Variants in ELAVL4 observed in about 807,000 individuals in gnomAD.
ELAVL4 encodes the protein ELAV-like protein 4.
In ELAVL4, 1 loss-of-function variant was observed where a neutral mutation model predicts 35.6. That is an observed-to-expected ratio of 0.03 (90% confidence interval 0.01 to 0.13). ELAVL4 has a LOEUF of 0.13. Among genes scored for constraint, ELAVL4 ranks in the 10% least tolerant of loss-of-function variants. The pLI, the probability that ELAVL4 is intolerant of heterozygous loss-of-function variation, is 1.00. For synonymous variants in ELAVL4, 156 were observed against 171.0 expected (o/e 0.91, Z 0.69); for missense variants, 267 against 464.9 (o/e 0.57, Z 3.91).
intron 3 of ELAVL4, among the ~76,000 whole-genome samples, chr1:50,190,017 C>T (rs929970575): frequency 6.6e-6 from 1 of 152,198 alleles, no homozygotes; most frequent in African/African-American, 2.4e-5. Context: ...CCATAGAGAT[C>T]ATCTGTAAAG....
At chr1:50,115,155 C>A (rs571917508) in intron 1 of ELAVL4, 42 of 152,056 alleles carry the variant, frequency 2.8e-4, no homozygotes, top group African/African-American at 9.4e-4. Context: ...TTAAGACCAA[C>A]CAATTTTGCT....
chr1:50,165,521 GTATATACATATACCTATATGTA>G (rs1242446410), intron 2 of ELAVL4, among the ~76,000 whole-genome samples: 1 of 148,268 alleles, frequency 6.7e-6, no homozygotes, highest in Non-Finnish European at 1.5e-5. Context: ...GCATATATAC[GTATATACATATACCTATATGTA>G]TATATAGTAT....
chr1:50,201,266 A>G lies in ELAVL4; in HGVS notation c.*88A>G. ...ACACACACACATACACGAAAGAGAG[A>G]GAAACAAACTTTTCAAGGCTTATAT... is the stretch of plus-strand genomic sequence containing the variant. On this transcript the variant is annotated 3_prime_UTR_variant, in exon 7 of 7. Transcript: ENST00000371824. This position sits in a 1 kb window ranked among gnomAD's most constrained non-coding sequence, Gnocchi z 4.3. 7.1e-7 allele frequency: 1 copy of G among 1,408,670 alleles called. No homozygotes were observed. Among genetic ancestry groups the G allele is most frequent in the Non-Finnish European group, 9.3e-7 (1 of 1,074,168 alleles). 87.3% of individuals were successfully genotyped at this position (1,408,670 alleles called of 1,614,324 possible). A position where few individuals can be genotyped will look rare whatever the true frequency, so the allele number is the denominator to read the frequency against.
At chr1:50,161,749 A>G (rs182031545) in intron 2 of ELAVL4, among the ~76,000 whole-genome samples, 313 of 152,342 alleles carry the variant, frequency 2.1e-3, no homozygotes, top group African/African-American at 6.9e-3. Flanking sequence ...TTTTTGAGAC[A>G]GGGTCTCCCT....
At position 50,145,187 on chromosome 1, in the gene ELAVL4, C is replaced by A; in HGVS notation, c.240C>A (p.Asp80Glu). ...TAGAATCCTGCAAACTTGTGAGAGA[C>A]AAAATTACAGGTATGCACAGGATTT... ...GEIESCKLVR[D>E]KITGQSLGYG... Residue 80 changes from aspartate (D) to glutamate (E), a missense_variant, in exon 2 of 7, where the codon GAC (aspartate) becomes GAA (glutamate). Coordinates refer to ENST00000371824, the MANE Select transcript of ELAVL4 (RefSeq NM_001144774.3). The A allele has an allele frequency of 6.2e-7, 1 of 1,613,926 alleles. No individual in the cohort carries two copies. Among genetic ancestry groups the A allele is most frequent in the South Asian group, 1.1e-5 (1 of 91,064 alleles).
intron 1 of ELAVL4, among the ~76,000 whole-genome samples, chr1:50,056,674 C>T (rs578189140): frequency 5.9e-5 from 9 of 152,294 alleles, no homozygotes; most frequent in Admixed American, 5.2e-4. Flanking sequence ...AGGTGGCTCA[C>T]GCCTGTAATC....
chr1:50,176,981 A>C (rs1333111568), intron 2 of ELAVL4, 108 bp from the exon 3 acceptor site: 4 of 818,462 alleles, frequency 4.9e-6, no homozygotes, highest in South Asian at 3.5e-5. Context: ...GACTCACTGC[A>C]GTGGGAAGTG....
At chr1:50,069,659 G>A (rs1374742696) in intron 1 of ELAVL4, among the ~76,000 whole-genome samples, 3 of 152,206 alleles carry the variant, frequency 2.0e-5, no homozygotes, top group African/African-American at 4.8e-5. Flanking sequence ...TTGAATCAAC[G>A]TCTGGGGTTT....
At chr1:50,157,227 CTTT>C (rs1389856786) in intron 2 of ELAVL4, among the ~76,000 whole-genome samples, 1 of 152,022 alleles carries the variant, frequency 6.6e-6, no homozygotes, top group Non-Finnish European at 1.5e-5. Flanking sequence ...AGCTATGGGA[CTTT>C]TGGTGGATCA....
rs1300089765 is a variant in ELAVL4, at chr1:50,109,003, T to G, written c.-187T>G. 1 of 1,092,354 alleles carries G rather than the reference T, an allele frequency of 9.2e-7. No individual in the cohort carries two copies. The highest frequency in any genetic ancestry group is 1.1e-6 in the Non-Finnish European group (1 of 894,346). 67.7% of individuals were successfully genotyped at this position (1,092,354 alleles called of 1,614,324 possible). A position where few individuals can be genotyped will look rare whatever the true frequency, so the allele number is the denominator to read the frequency against. On this transcript the variant is annotated 5_prime_UTR_variant, in exon 1 of 7. Coordinates refer to ENST00000371824, the MANE Select transcript of ELAVL4 (RefSeq NM_001144774.3). ...TTTCAGCTCACTGCTCCTTTTCTTTTTTTTCTTTCTCTCCCCCGCCCACCC... is the reference window on the plus strand; with the variant it reads ...TTTCAGCTCACTGCTCCTTTTCTTTGTTTTCTTTCTCTCCCCCGCCCACCC...
At chr1:50,105,093 T>C (rs1666200566), upstream of ELAVL4, among the ~76,000 whole-genome samples, 1 of 152,186 alleles carries the variant, frequency 6.6e-6, no homozygotes, top group Admixed American at 6.5e-5. Context: ...TTTTTCGGTG[T>C]CTTTACTTTT....
At chr1:50,071,409 CT>C (rs547920209) in intron 1 of ELAVL4, among the ~76,000 whole-genome samples, 116 of 152,248 alleles carry the variant, frequency 7.6e-4, no homozygotes, top group African/African-American at 2.6e-3. Context: ...TTTGTAACAA[CT>C]TTTTTTCTTG....
chr1:50,176,437 C>T (rs1236770546), intron 2 of ELAVL4, among the ~76,000 whole-genome samples: 1 of 152,172 alleles, frequency 6.6e-6, no homozygotes, highest in African/African-American at 2.4e-5. Context: ...TTGCTACATC[C>T]CTCTGAATGT....
chr1:50,094,374 T>G (rs1164376876), intron 1 of ELAVL4, among the ~76,000 whole-genome samples: 1 of 152,142 alleles, frequency 6.6e-6, no homozygotes, highest in Non-Finnish European at 1.5e-5. Context: ...AAGGGGTGGA[T>G]GTTGATTGCT....
intron 5 of ELAVL4, 76 bp from the exon 6 acceptor site, chr1:50,197,353 A>G (rs1041260452): frequency 3.6e-6 from 5 of 1,399,120 alleles, no homozygotes; most frequent in African/African-American, 3.0e-5. Context: ...AAAATGGAGC[A>G]TTCTTATTAA....
At chr1:50,058,818 G>A (rs1405310993) in intron 1 of ELAVL4, among the ~76,000 whole-genome samples, 1 of 151,906 alleles carries the variant, frequency 6.6e-6, no homozygotes, top group African/African-American at 2.4e-5. Flanking sequence ...TGCCCAGGCT[G>A]GTCTCAAACT....
intron 1 of ELAVL4, among the ~76,000 whole-genome samples, chr1:50,076,191 A>G (rs1468550958): frequency 3.9e-5 from 6 of 152,194 alleles, no homozygotes; most frequent in Admixed American, 3.9e-4. Flanking sequence ...CTGTATATGT[A>G]GGCCATGGGG....
intron 1 of ELAVL4, among the ~76,000 whole-genome samples, chr1:50,136,129 TTTA>T (rs1671844225): frequency 6.6e-6 from 1 of 152,178 alleles, no homozygotes; most frequent in Admixed American, 6.5e-5. Context: ...TCTAAGACAC[TTTA>T]AAGAAATATG....
At chr1:50,183,777 T>G (rs558404772) in intron 3 of ELAVL4, among the ~76,000 whole-genome samples, 31 of 152,332 alleles carry the variant, frequency 2.0e-4, no homozygotes. Context: ...TTTCTTTGCA[T>G]TCGGCATAAG....
Sources: allele counts gnomAD v4.1 joint callset (sites outside exome capture counted in the v4.1 genomes callset), GRCh38; gene constraint gnomAD v4.1.1; non-coding constraint Gnocchi (gnomAD v3.1); transcripts MANE v1.5; gene names NCBI Gene and HGNC (gene_info 2026-07-23, HGNC 2026-07-21).